PSMA1: variants seen among roughly 807,000 people sequenced by gnomAD.
PSMA1 encodes the protein proteasome subunit alpha type-1.
Under a neutral mutation model 38.4 loss-of-function variants are expected in PSMA1, and 3 were observed. The observed-to-expected ratio is 0.08, with a 90% CI of 0.04 to 0.20. The LOEUF is 0.20. PSMA1 is among the 10% of genes least tolerant of loss of function. The pLI, the probability that PSMA1 is intolerant of heterozygous loss-of-function variation, is 1.00. For missense variants in PSMA1, 227 were observed against 325.3 expected (o/e 0.70, Z 2.32); for synonymous variants, 101 against 107.1 (o/e 0.94, Z 0.35).
At chr11:14,588,863 GGCCAA>G (rs1852380074) in intron 2 of PSMA1, among the ~76,000 whole-genome samples, 1 of 152,084 alleles carries the variant, frequency 6.6e-6, no homozygotes, top group Admixed American at 6.6e-5. Flanking sequence ...TGCTTGAATA[GGCCAA>G]CCACGCCCTG....
chr11:14,594,355 T>C (rs138491508), intron 2 of PSMA1, among the ~76,000 whole-genome samples: 2 of 150,084 alleles, frequency 1.3e-5, no homozygotes, highest in Admixed American at 6.6e-5. Context: ...GAAGTCCAAA[T>C]AGAGAGATCT....
chr11:14,520,311 G>C lies in PSMA1; in HGVS notation c.-12C>G, dbSNP rs758665846. On this transcript the variant is annotated 5_prime_UTR_variant, in exon 1 of 10. Coordinates refer to ENST00000396394, the MANE Select transcript of PSMA1 (RefSeq NM_002786.4). ...ATTCAACGTACCATGGTGGCGGCGC[G>C]GGCCTGGTTGCGGCCTCCAGCAAAA... 3 of 1,614,200 alleles carry C rather than the reference G, an allele frequency of 1.9e-6. No individual in the cohort carries two copies. Among genetic ancestry groups the C allele is most frequent in the East Asian group, 2.2e-5 (1 of 44,884 alleles).
intron 2 of PSMA1, among the ~76,000 whole-genome samples, chr11:14,561,008 C>T (rs1183618498): frequency 1.3e-5 from 2 of 152,194 alleles, no homozygotes; most frequent in Non-Finnish European, 2.9e-5. Flanking sequence ...GATTGGATTA[C>T]AGATGAACAT....
intron 1 of PSMA1, among the ~76,000 whole-genome samples, chr11:14,634,943 C>A (rs1289378815): frequency 2.6e-5 from 4 of 152,042 alleles, no homozygotes; most frequent in Non-Finnish European, 5.9e-5. Context: ...AACTTGGAGC[C>A]CACAGTTTAT....
intron 1 of PSMA1, among the ~76,000 whole-genome samples, chr11:14,625,015 T>C (rs556930475): frequency 6.6e-5 from 10 of 152,304 alleles, no homozygotes; most frequent in Middle Eastern, 3.4e-3. Context: ...GCAATGGGGC[T>C]CCAGTTCATC....
At chr11:14,638,829 G>A (rs1032965855) in intron 1 of PSMA1, among the ~76,000 whole-genome samples, 1 of 150,886 alleles carries the variant, frequency 6.6e-6, no homozygotes, top group Non-Finnish European at 1.5e-5. Context: ...TGCCACCGTC[G>A]TGGCTGTGAT....
chr11:14,596,864 T>C (rs900332233), intron 2 of PSMA1, among the ~76,000 whole-genome samples: 1 of 152,366 alleles, frequency 6.6e-6, no homozygotes, highest in African/African-American at 2.4e-5. Flanking sequence ...CCATTCAGTA[T>C]GATATTGGTT....
chr11:14,505,329 T>C, intron 9 of PSMA1, 81 bp from the exon 10 acceptor site: 1 of 1,222,098 alleles, frequency 8.2e-7, no homozygotes, highest in Non-Finnish European at 1.2e-6. Flanking sequence ...TATTACGTTA[T>C]TAAAAATTGA....
chr11:14,568,466 A>G (rs2134176615), intron 2 of PSMA1, among the ~76,000 whole-genome samples: 1 of 152,334 alleles, frequency 6.6e-6, no homozygotes, highest in Non-Finnish European at 1.5e-5. Flanking sequence ...TTCATCCCTT[A>G]AATACATGTG....
At chr11:14,640,581 G>C (rs967435181) in intron 1 of PSMA1, among the ~76,000 whole-genome samples, 2 of 152,122 alleles carry the variant, frequency 1.3e-5, no homozygotes, top group Non-Finnish European at 2.9e-5. Context: ...AGAACTAAAA[G>C]AATGAGTCAA....
intron 2 of PSMA1, among the ~76,000 whole-genome samples, chr11:14,604,309 A>G (rs1414652300): frequency 6.6e-6 from 1 of 151,742 alleles, no homozygotes; most frequent in Non-Finnish European, 1.5e-5. Flanking sequence ...TGATCCACCC[A>G]CCTCGGCCTC....
intron 2 of PSMA1, among the ~76,000 whole-genome samples, chr11:14,565,571 A>T (rs1276573582): frequency 6.6e-6 from 1 of 152,198 alleles, no homozygotes. Flanking sequence ...GCCTTAGTGT[A>T]TCTGCTATGT....
intron 2 of PSMA1, among the ~76,000 whole-genome samples, chr11:14,558,038 A>G (rs889713338): frequency 6.6e-6 from 1 of 152,148 alleles, no homozygotes; most frequent in African/African-American, 2.4e-5. Context: ...AGTCAAAGCC[A>G]GAGAAATGGT....
In PSMA1 at chr11:14,560,719, A is replaced by G. The variant is rs186849303; in HGVS notation, c.22-41678T>C. Among the ~76,000 whole-genome samples, 118 of 152,260 alleles carry G rather than the reference A, an allele frequency of 7.7e-4. No individual in the cohort carries two copies. In the Middle Eastern group the frequency reaches 0.014, roughly 18 times the overall value. ...ACCTATTGAGAACACATGCCCATAT[A>G]ATGATGGTAGATTTAGAGTGTATGC... On this transcript the variant is annotated intron_variant, in intron 2 of 10. Coordinates refer to the PSMA1 transcript ENST00000418988.
intron 2 of PSMA1, among the ~76,000 whole-genome samples, chr11:14,551,907 T>C (rs747403621): frequency 9.9e-5 from 15 of 152,260 alleles, no homozygotes; most frequent in Non-Finnish European, 2.9e-5. Flanking sequence ...AATTTTATTT[T>C]ATCCTCTCTA....
intron 2 of PSMA1, among the ~76,000 whole-genome samples, chr11:14,546,427 T>C (rs1176061223): frequency 6.6e-6 from 1 of 152,028 alleles, no homozygotes; most frequent in Admixed American, 6.6e-5. Flanking sequence ...TGTTTAGAGC[T>C]CTCATGGAAA....
chr11:14,611,098 A>G, exon 2 of PSMA1: 1 of 1,067,754 alleles, frequency 9.4e-7, no homozygotes, highest in Non-Finnish European at 1.4e-6. Flanking sequence ...CCACTCTGCT[A>G]CTGGCCTTGC....
Position 14,607,148 on chromosome 11 carries a change from T to C in PSMA1, c.21+3818A>G, listed in dbSNP as rs1852653474. ...TTTCCCTGGGGAGGAGTGAGAGAGG[T>C]TGGCAGAGAGCCGACAGGAGTATTG... On this transcript the variant is annotated intron_variant, in intron 2 of 10. Transcript: ENST00000418988. Among the ~76,000 whole-genome samples, 2 of 152,138 alleles carry C rather than the reference T, an allele frequency of 1.3e-5. 1 individual carries two copies. The highest frequency in any genetic ancestry group is 1.3e-4 in the Admixed American group (2 of 15,286).
upstream of PSMA1, among the ~76,000 whole-genome samples, chr11:14,521,310 G>C (rs12576125): frequency 3.1e-5 from 4 of 128,662 alleles, no homozygotes; most frequent in African/African-American, 1.2e-4. Context: ...ATAATAATAA[G>C]AATAAGAATA....
Sources: gnomAD v4.1 joint callset for allele counts (sites outside exome capture counted in the v4.1 genomes callset) on GRCh38, gnomAD v4.1.1 for gene constraint, MANE v1.5 for transcripts, NCBI Gene and HGNC (gene_info 2026-07-23, HGNC 2026-07-21) for gene names.